The following CABCOCO1 variants were observed in gnomAD, a reference collection of about 807,000 sequenced individuals.
CABCOCO1 encodes ciliary-associated calcium-binding coiled-coil protein 1.
In CABCOCO1, 28 loss-of-function variants were observed where a neutral mutation model predicts 35.7. The observed-to-expected ratio is 0.78, with a 90% CI of 0.58 to 1.07. The LOEUF is 1.07. Among genes scored for constraint, CABCOCO1 ranks in the 50% least tolerant of loss-of-function variants. CABCOCO1 has a pLI of 0.00. For missense variants in CABCOCO1, 326 were observed against 309.2 expected (o/e 1.05, Z -0.41); for synonymous variants, 95 against 100.1 (o/e 0.95, Z 0.30).
chr10:61,712,722 T>C (rs982726167), intron 5 of CABCOCO1, among the ~76,000 whole-genome samples: 4 of 152,232 alleles, frequency 2.6e-5, no homozygotes, highest in African/African-American at 7.2e-5. Context: ...TTTCTACATA[T>C]GGCTAGCCAG....
intron 1 of CABCOCO1, 47 bp downstream of exon 1, chr10:61,663,079 C>A (rs1455896997): frequency 4.3e-6 from 1 of 231,066 alleles, no homozygotes; most frequent in Non-Finnish European, 9.9e-6. Context: ...GTACCAGAGA[C>A]CTCCGAGCGC....
At chr10:61,667,208 A>G in intron 1 of CABCOCO1, among the ~76,000 whole-genome samples, 1 of 146,726 alleles carries the variant, frequency 6.8e-6, no homozygotes, top group African/African-American at 2.5e-5. Flanking sequence ...ATTATAAATT[A>G]TATGTTTATT....
At chr10:61,760,482 T>C (rs1841987096) in intron 6 of CABCOCO1, among the ~76,000 whole-genome samples, 1 of 152,036 alleles carries the variant, frequency 6.6e-6, no homozygotes, top group African/African-American at 2.4e-5. Flanking sequence ...AGTAACATCA[T>C]ATCAAAATCT....
In CABCOCO1 at chr10:61,766,186, T is replaced by C. The variant is rs1589161778; in HGVS notation, c.*173T>C. 1 of 547,936 alleles carries C rather than the reference T, an allele frequency of 1.8e-6. No homozygotes were observed. The allele number at this position is 547,936 out of a possible 1,614,324, so 33.9% of individuals were successfully genotyped here. ...AAGTATTGGTCCCAATTTTGCTATC[T>C]CCCATCCCATAACAGCCTCTGAATT... On this transcript the variant is annotated 3_prime_UTR_variant, in exon 8 of 8. Coordinates refer to ENST00000648843, the MANE Select transcript of CABCOCO1 (RefSeq NM_001366906.2).
chr10:61,714,408 T>C (rs1840808020), intron 5 of CABCOCO1, among the ~76,000 whole-genome samples: 1 of 152,192 alleles, frequency 6.6e-6, no homozygotes, highest in East Asian at 1.9e-4. Flanking sequence ...TCTTTTCTTC[T>C]TTATTAGTCT....
chr10:61,724,584 G>A (rs190152740), intron 5 of CABCOCO1, among the ~76,000 whole-genome samples: 1 of 152,278 alleles, frequency 6.6e-6, no homozygotes, highest in African/African-American at 2.4e-5. Context: ...GATTTTATAT[G>A]AGTGAACATT....
At chr10:61,730,671 T>C (rs898361605) in intron 5 of CABCOCO1, among the ~76,000 whole-genome samples, 4 of 152,078 alleles carry the variant, frequency 2.6e-5, no homozygotes, top group African/African-American at 9.7e-5. Context: ...GTAATAAATA[T>C]AATGTACTGA....
chr10:61,668,891 A>T (rs1839270707), intron 1 of CABCOCO1, among the ~76,000 whole-genome samples: 2 of 151,772 alleles, frequency 1.3e-5, no homozygotes, highest in Non-Finnish European at 2.9e-5. Flanking sequence ...GCCCCCAAAA[A>T]ACCCTGATGG....
intron 5 of CABCOCO1, among the ~76,000 whole-genome samples, chr10:61,750,023 G>GAATAT: frequency 6.8e-6 from 1 of 147,684 alleles, no homozygotes; most frequent in Admixed American, 6.8e-5. Flanking sequence ...GGCCAGCACT[G>GAATAT]ACCTTAGGGC....
intron 5 of CABCOCO1, among the ~76,000 whole-genome samples, chr10:61,702,346 T>C (rs1288904456): frequency 6.6e-6 from 1 of 152,146 alleles, no homozygotes; most frequent in Admixed American, 6.6e-5. Context: ...TTCTCATTAG[T>C]AAAGTCCAAA....
intron 5 of CABCOCO1, among the ~76,000 whole-genome samples, chr10:61,755,987 C>T (rs1344145167): frequency 6.6e-6 from 1 of 151,868 alleles, no homozygotes; most frequent in Non-Finnish European, 1.5e-5. Context: ...GTGTTTATTC[C>T]CATGGCGGAT....
At chr10:61,739,309 G>T (rs1026900532) in intron 5 of CABCOCO1, among the ~76,000 whole-genome samples, 5 of 152,104 alleles carry the variant, frequency 3.3e-5, no homozygotes, top group African/African-American at 1.2e-4. Flanking sequence ...AATTCAGACT[G>T]CTCTCAAATT....
At chr10:61,727,103 A>T (rs1841173160) in intron 5 of CABCOCO1, among the ~76,000 whole-genome samples, 1 of 152,094 alleles carries the variant, frequency 6.6e-6, no homozygotes, top group African/African-American at 2.4e-5. Context: ...ATAAAATGTG[A>T]TCTTAGAGCT....
At chr10:61,693,880 T>A (rs564441356) in intron 5 of CABCOCO1, among the ~76,000 whole-genome samples, 1 of 151,044 alleles carries the variant, frequency 6.6e-6, no homozygotes, top group African/African-American at 2.4e-5. Flanking sequence ...TAAAAAAAAA[T>A]AACAGGTGAA....
chr10:61,673,093 TTG>T (rs1194748820), intron 2 of CABCOCO1, among the ~76,000 whole-genome samples: 3 of 152,200 alleles, frequency 2.0e-5, no homozygotes, highest in African/African-American at 7.2e-5. Context: ...GAAGAGTAAG[TTG>T]TGTTTTCTGT....
chr10:61,688,282 C>T (rs1840026244), intron 4 of CABCOCO1, among the ~76,000 whole-genome samples: 2 of 152,030 alleles, frequency 1.3e-5, no homozygotes, highest in African/African-American at 2.4e-5. Flanking sequence ...GAATTTAACC[C>T]GATATTAAGT....
At chr10:61,732,560 C>A (rs1284901526) in intron 5 of CABCOCO1, among the ~76,000 whole-genome samples, 1 of 152,008 alleles carries the variant, frequency 6.6e-6, no homozygotes, top group Non-Finnish European at 1.5e-5. Flanking sequence ...TACCTAAATC[C>A]TTTTGGCAAA....
At chr10:61,715,816 T>C (rs1197284420) in intron 5 of CABCOCO1, among the ~76,000 whole-genome samples, 3 of 152,220 alleles carry the variant, frequency 2.0e-5, no homozygotes, top group African/African-American at 7.2e-5. Context: ...AATTCTTTTC[T>C]TTAAGAATGT....
At chr10:61,664,339 C>G (rs1215680410) in intron 1 of CABCOCO1, among the ~76,000 whole-genome samples, 1 of 152,132 alleles carries the variant, frequency 6.6e-6, no homozygotes, top group African/African-American at 2.4e-5. Context: ...CATATGCTCA[C>G]CCACGTAGAC....
Sources: gnomAD v4.1 joint callset for allele counts (sites outside exome capture counted in the v4.1 genomes callset) on GRCh38, gnomAD v4.1.1 for gene constraint, MANE v1.5 for transcripts, NCBI Gene and HGNC (gene_info 2026-07-23, HGNC 2026-07-21) for gene names.